The following IGFN1 variants were observed in gnomAD, a reference collection of about 807,000 sequenced individuals.
The protein encoded by IGFN1 is immunoglobulin like and fibronectin type III domain containing 1.
In IGFN1, 253 loss-of-function variants were observed where a neutral mutation model predicts 289.5. The ratio of observed to expected loss-of-function variants is 0.87; its 90% CI spans 0.79 to 0.97. IGFN1 has a LOEUF of 0.97. Ranked by LOEUF, IGFN1 falls within the 50% of genes least tolerant of loss-of-function variation. The pLI is 0.00. For missense variants in IGFN1, 4,470 were observed against 4,686.1 expected (o/e 0.95, Z 1.35); for synonymous variants, 1,706 against 1,788.5 (o/e 0.95, Z 1.16).
intron 10 of IGFN1, 69 bp downstream of exon 10, chr1:201,203,975 A>AG: frequency 7.1e-7 from 1 of 1,399,624 alleles, no homozygotes; most frequent in Non-Finnish European, 9.8e-7. Context: ...TGTTGGTGCA[A>AG]CGTGTGTGTT....
At position 201,218,629 on chromosome 1, in the gene IGFN1, C is replaced by T. The variant is rs377537016; in HGVS notation, c.9869C>T (p.Ser3290Leu). 6.8e-6 allele frequency: 11 copies of T among 1,610,536 alleles called. No individual in the cohort carries two copies. Among genetic ancestry groups the T allele is most frequent in the Non-Finnish European group, 5.1e-6 (6 of 1,179,838 alleles). The change falls in exon 18 of 24, where the codon TCG becomes TTG. Residue 3290 changes from serine to leucine, a missense_variant. By Grantham distance (145) the Ser-to-Leu change is moderately radical (BLOSUM62 -2). Transcript: ENST00000335211. ...PSGPGEPGPP[S>L]DAVFARDPMR... ...GGTCCCGGAGAGCCTGGACCTCCAT[C>T]GGATGCTGTCTTTGCTCGGGACCCC...
intron 11 of IGFN1, among the ~76,000 whole-genome samples, chr1:201,205,823 CA>C (rs1667390655): frequency 1.3e-5 from 2 of 152,308 alleles, no homozygotes; most frequent in South Asian, 4.2e-4. Flanking sequence ...GCGTTTTCTC[CA>C]AAACCCTCAT....
Position 201,200,254 on chromosome 1 carries a change from A to G in IGFN1, c.476A>G (p.Lys159Arg), listed in dbSNP as rs1295573813. The change falls in exon 8 of 24, where the codon AAG (lysine) becomes AGG (arginine). Residue 159 changes from lysine (K) to arginine (R), a missense_variant. Around this residue, in one of 8 missense-constraint regions of IGFN1, gnomAD observed 2,011 missense variants for 1,953.4 expected, o/e 1.03. Transcript: ENST00000335211. ...LLKKRAPPAP[K>R]KKMDLEQIWQ... is the part of the protein sequence containing the mutation. ...CTCCCCAGGGCCCCACCAGCCCCCAAGAAAAAGATGGACCTTGAGCAGATA... is the reference window on the plus strand; with the variant it reads ...CTCCCCAGGGCCCCACCAGCCCCCAGGAAAAAGATGGACCTTGAGCAGATA... 11 of 1,551,798 alleles carry G rather than the reference A, an allele frequency of 7.1e-6. No individual in the cohort carries two copies. The highest frequency in any genetic ancestry group is 7.0e-6 in the Non-Finnish European group (8 of 1,146,958).
Position 201,224,669 on chromosome 1 carries a change from C to G in IGFN1, c.10291-10C>G. ...CCCCTTCTCAACTTTTCCTTCCTCTCCTTTCTCAGGCCATGCCCATGCCTG... is the reference window on the plus strand; with the variant it reads ...CCCCTTCTCAACTTTTCCTTCCTCTGCTTTCTCAGGCCATGCCCATGCCTG... On this transcript the variant is annotated splice_polypyrimidine_tract_variant and intron_variant, in intron 20 of 23. Transcript: ENST00000335211. 6.2e-7 allele frequency: 1 copy of G among 1,612,536 alleles called. No individual in the cohort carries two copies. The highest frequency in any genetic ancestry group is 8.5e-7 in the Non-Finnish European group (1 of 1,179,150).
chr1:201,214,343 A>C, intron 13 of IGFN1, 42 bp downstream of exon 13: 2 of 1,567,938 alleles, frequency 1.3e-6, no homozygotes, highest in Non-Finnish European at 1.7e-6. Context: ...AGTGGGAGGG[A>C]CAGAGGTAAA....
chr1:201,205,077 G>C lies in IGFN1; in HGVS notation c.917-5G>C, dbSNP rs377463155. 6.5e-7 allele frequency: 1 copy of C among 1,535,456 alleles called. No homozygotes were observed. The highest frequency in any genetic ancestry group is 8.8e-7 in the Non-Finnish European group (1 of 1,135,778). On this transcript the variant is annotated splice_polypyrimidine_tract_variant and splice_region_variant and intron_variant, in intron 10 of 23. Transcript: ENST00000335211. ...CTGATATCCCCATTCCTATTTCCCC[G>C]GCAGCCATCCCCCCAAGAGTGGTGG...
rs550867395 is a variant in IGFN1 at position 201,192,427 on chromosome 1, C to T, written c.-47-820C>T. Among the ~76,000 whole-genome samples, 7 of 151,842 alleles carry T rather than the reference C, an allele frequency of 4.6e-5. No homozygotes were observed. In the South Asian group the frequency reaches 1.5e-3, roughly 32 times the overall value. ...TTTATGGCTCTCATCCCACCCCAGA[C>T]CCAACCCCCTTCCTCTCCTGTGTGG... On this transcript the variant is annotated intron_variant, in intron 1 of 23. Transcript: ENST00000335211.
At chr1:201,199,510 C>A in intron 6 of IGFN1, 99 bp from the exon 7 acceptor site, 1 of 1,428,156 alleles carries the variant, frequency 7.0e-7, no homozygotes, top group Non-Finnish European at 9.6e-7. Context: ...GAGCCCCTTC[C>A]AAAGGCTCAG....
intron 20 of IGFN1, among the ~76,000 whole-genome samples, chr1:201,223,710 T>C (rs1653902525): frequency 6.6e-6 from 1 of 152,106 alleles, no homozygotes; most frequent in Admixed American, 6.5e-5. Flanking sequence ...TTCACCTTCC[T>C]CATCTGTCAA....
Position 201,216,570 on chromosome 1 carries a change from G to A in IGFN1, c.9412G>A (p.Val3138Met), listed in dbSNP as rs1469821733. 1.2e-6 allele frequency: 2 copies of A among 1,613,562 alleles called. No individual in the cohort carries two copies. The highest frequency in any genetic ancestry group is 8.5e-7 in the Non-Finnish European group (1 of 1,179,844). The change falls in exon 16 of 24, where the codon GTG becomes ATG. Residue 3138 changes from valine to methionine, a missense_variant. Val to Met is a conservative substitution (Grantham distance 21, BLOSUM62 1). Transcript: ENST00000335211. ...NGGRTVECYV[V>M]ERRQAGRSTW... Reference sequence around the variant, plus strand: ...GGGCCGGACTGTAGAGTGCTACGTGGTGGAGAGACGGCAGGCTGGCAGGAG... The same window carrying A: ...GGGCCGGACTGTAGAGTGCTACGTGATGGAGAGACGGCAGGCTGGCAGGAG...
chr1:201,206,217 G>A lies in IGFN1; in HGVS notation c.1324G>A (p.Gly442Arg), dbSNP rs1466298682. 6.5e-7 allele frequency: 1 copy of A among 1,548,532 alleles called. No individual in the cohort carries two copies. The highest frequency in any genetic ancestry group is 8.7e-7 in the Non-Finnish European group (1 of 1,146,220). Residue 442 changes from glycine to arginine, a missense_variant, in exon 12 of 24, where the codon GGG becomes AGG. Around this residue, in one of 8 missense-constraint regions of IGFN1, gnomAD observed 2,011 missense variants for 1,953.4 expected, o/e 1.03. Coordinates refer to ENST00000335211, the MANE Select transcript of IGFN1 (RefSeq NM_001164586.2). ...GEKSREQGPR[G>R]GSLEGAGPAS... The stretch of plus-strand genomic sequence containing the variant: ...GAAATCCAGAGAGCAGGGCCCCAGG[G>A]GGGGCTCCCTTGAAGGGGCTGGGCC...
At chr1:201,216,383 G>T (rs1474528004) in intron 15 of IGFN1, 71 bp from the exon 16 acceptor site, 10 of 1,277,252 alleles carry the variant, frequency 7.8e-6, no homozygotes, top group South Asian at 6.4e-5. Flanking sequence ...CGGGGAGTTG[G>T]GGGGGTTGGC....
At chr1:201,227,956 A>G (rs1336219671) in intron 23 of IGFN1, among the ~76,000 whole-genome samples, 1 of 152,214 alleles carries the variant, frequency 6.6e-6, no homozygotes, top group Admixed American at 6.5e-5. Flanking sequence ...TCAGTAGCAC[A>G]GATATATATG....
Position 201,208,047 on chromosome 1 carries a change from A to T in IGFN1, c.3154A>T (p.Asn1052Tyr). 1 of 1,536,938 alleles carries T rather than the reference A, an allele frequency of 6.5e-7. No homozygotes were observed. The highest frequency in any genetic ancestry group is 8.7e-7 in the Non-Finnish European group (1 of 1,146,866). ...AGGTGGTCCTGATGGAGCACCCATGAATGACACCAGGAATTGGGCCTCTGC... is the reference window on the plus strand; with the variant it reads ...AGGTGGTCCTGATGGAGCACCCATGTATGACACCAGGAATTGGGCCTCTGC... ...GSGGPDGAPM[N>Y]DTRNWASACQ... Residue 1052 changes from asparagine to tyrosine, a missense_variant, in exon 12 of 24, where the codon AAT (asparagine) becomes TAT (tyrosine). Asn to Tyr is a moderately radical substitution (Grantham distance 143). This residue lies in a region of IGFN1 where 2,011 missense variants were observed against 1,953.4 expected (regional missense o/e 1.03). Transcript: ENST00000335211.
chr1:201,215,644 C>T lies in IGFN1; in HGVS notation c.9101C>T (p.Pro3034Leu), dbSNP rs1322687318. The stretch of plus-strand genomic sequence containing the variant: ...AAGATCCCCTTCCAGAGCCACCTCC[C>T]CATTCAGGCTGCCTGGAGGAAGGAC... ...IVKIPFQSHL[P>L]IQAAWRKDGA... The change falls in exon 15 of 24, where the codon CCC becomes CTC. Residue 3034 changes from proline (P) to leucine (L), a missense_variant. Pro to Leu is a moderately conservative substitution (Grantham distance 98). This residue lies in a region of IGFN1 where 2,218 missense variants were observed against 2,114.1 expected (regional missense o/e 1.05). Transcript: ENST00000335211. 3.1e-6 allele frequency: 5 copies of T among 1,613,928 alleles called. No individual in the cohort carries two copies. The highest frequency in any genetic ancestry group is 4.2e-6 in the Non-Finnish European group (5 of 1,180,004).
intron 1 of IGFN1, among the ~76,000 whole-genome samples, chr1:201,191,923 C>T (rs1666675397): frequency 6.8e-6 from 1 of 147,062 alleles, no homozygotes; most frequent in Non-Finnish European, 1.5e-5. Flanking sequence ...CAAACTACTC[C>T]AGTGTGGGGG....
Position 201,213,270 on chromosome 1 carries a change from G to A in IGFN1, c.8377G>A (p.Ala2793Thr), listed in dbSNP as rs1667924861. 1.3e-6 allele frequency: 2 copies of A among 1,554,012 alleles called. No homozygotes were observed. Among genetic ancestry groups the A allele is most frequent in the Non-Finnish European group, 1.7e-6 (2 of 1,148,256 alleles). Residue 2793 changes from alanine (A) to threonine (T), a missense_variant, in exon 12 of 24, where the codon GCC becomes ACC. This residue lies in a region of IGFN1 where 2,218 missense variants were observed against 2,114.1 expected (regional missense o/e 1.05). Coordinates refer to ENST00000335211, the MANE Select transcript of IGFN1 (RefSeq NM_001164586.2). ...GAATGGTGAGGTCCAGGGTCCTGGG[G>A]CCCTAAAGGAGGATGAAGGGCAGGG... ...AENGEVQGPG[A>T]LKEDEGQGVE...
chr1:201,227,310 G>A lies in IGFN1; in HGVS notation c.11113+102G>A, dbSNP rs1654175723. ...GGGGGTGCCTAGAGGGATTCAGCCGGGAGTCAGGAGACCAGGACTCTCTGC... is the reference window on the plus strand; with the variant it reads ...GGGGGTGCCTAGAGGGATTCAGCCGAGAGTCAGGAGACCAGGACTCTCTGC... On this transcript the variant is annotated intron_variant, in intron 23 of 23. Transcript: ENST00000335211. The A allele has an allele frequency of 4.7e-6, 4 of 853,506 alleles. No homozygotes were observed. In the Admixed American group the frequency reaches 1.1e-4, roughly 22 times the overall value. The allele number at this position is 853,506 out of a possible 1,614,324, so 52.9% of individuals were successfully genotyped here.
chr1:201,225,924 G>A lies in IGFN1; in HGVS notation c.10587G>A (p.Pro3529=), dbSNP rs761660706. The A allele has an allele frequency of 2.1e-5, 34 of 1,606,234 alleles. No homozygotes were observed. Among genetic ancestry groups the A allele is most frequent in the South Asian group, 1.1e-4 (10 of 89,526 alleles). The part of the protein sequence containing the change: ...EPSPDEAQDV[P]LHYAVFTRSS... ...CTCCTGACGAGGCCCAGGATGTCCC[G>A]CTGCACTACGCGGTGTTCACACGCT... The change falls in exon 22 of 24, where the codon CCG becomes CCA. Residue 3529 remains proline (P), a synonymous_variant. Coordinates refer to ENST00000335211, the MANE Select transcript of IGFN1 (RefSeq NM_001164586.2).
Sources: allele counts gnomAD v4.1 joint callset (sites outside exome capture counted in the v4.1 genomes callset), GRCh38; gene constraint gnomAD v4.1.1; regional missense constraint gnomAD v4.1.1; transcripts MANE v1.5; gene names NCBI Gene and HGNC (gene_info 2026-07-23, HGNC 2026-07-21).